PHF8: variants seen among roughly 807,000 people sequenced by gnomAD.
PHF8 encodes histone lysine demethylase PHF8.
In PHF8, 9 loss-of-function variants were observed where a neutral mutation model predicts 74.4. The observed-to-expected ratio is 0.12, with a 90% CI of 0.07 to 0.21. The LOEUF (loss-of-function observed/expected upper bound fraction) is 0.21, where lower values mean the gene tolerates loss of function less well. Among genes scored for constraint, PHF8 ranks in the 10% least tolerant of loss-of-function variants. PHF8 has a pLI of 1.00. For missense variants in PHF8, 478 were observed against 816.6 expected, an observed-to-expected ratio of 0.59 and a Z score of 5.05; for synonymous variants, 311 against 316.6, an observed-to-expected ratio of 0.98 and a Z score of 0.19.
chrX:54,042,618 C>G lies in PHF8; in HGVS notation c.98+13G>C. On this transcript the variant is annotated intron_variant, in intron 2 of 21. Coordinates refer to ENST00000338154, the MANE Select transcript of PHF8 (RefSeq NM_015107.3). ...GCCACCGCACCCTGTGTAGCCTGGC[C>G]TGCCCTCCTTACCTGCCATGAAACC... 8.3e-7 allele frequency: 1 copy of G among 1,201,680 alleles called. No individual in the cohort carries two copies. The highest frequency in any genetic ancestry group is 1.1e-6 in the Non-Finnish European group (1 of 887,903).
At chrX:53,988,345 T>C (rs1337571733) in intron 14 of PHF8, among the ~76,000 whole-genome samples, 1 of 111,564 alleles carries the variant, frequency 9.0e-6, no homozygotes, top group Non-Finnish European at 1.9e-5. Flanking sequence ...CAGTAGAAGT[T>C]GCTGAGAAAA....
At chrX:53,969,150 A>T (rs922647582) in intron 18 of PHF8, among the ~76,000 whole-genome samples, 5 of 109,943 alleles carry the variant, frequency 4.5e-5, no homozygotes, top group African/African-American at 1.7e-4. Flanking sequence ...TGAAAGGACC[A>T]CTTGAATCCG....
chrX:54,044,628 G>A (rs782247898), upstream of PHF8, among the ~76,000 whole-genome samples: 1 of 112,942 alleles, frequency 8.9e-6, no homozygotes, highest in East Asian at 2.8e-4. Context: ...AAGACCTTGA[G>A]CCCAGAGGCG....
At chrX:54,008,371 CA>C (rs34539175) in intron 8 of PHF8, among the ~76,000 whole-genome samples, 509 of 36,229 alleles carry the variant, frequency 0.014, 5 homozygotes, top group African/African-American at 0.053. Flanking sequence ...AATACTCCGT[CA>C]AAAAAAAAAA....
At chrX:54,009,070 C>T (rs974832454) in intron 8 of PHF8, among the ~76,000 whole-genome samples, 1 of 110,909 alleles carries the variant, frequency 9.0e-6, no homozygotes, top group South Asian at 3.8e-4. Flanking sequence ...CCCAGCTACT[C>T]GGGAGGCTGA....
chrX:53,985,608 A>G, intron 17 of PHF8: 1 of 632,389 alleles, frequency 1.6e-6, no homozygotes, highest in Non-Finnish European at 2.5e-6. Flanking sequence ...TTCCTCTTGA[A>G]GTCTATACAT....
chrX:53,997,435 T>C (rs1238676767), intron 11 of PHF8, among the ~76,000 whole-genome samples: 1 of 111,793 alleles, frequency 8.9e-6, no homozygotes, highest in African/African-American at 3.3e-5. Context: ...CCTTTAACTC[T>C]TTTCATCTAT....
chrX:53,962,134 TTAGA>T (rs1557091042), intron 19 of PHF8, among the ~76,000 whole-genome samples: 2 of 111,747 alleles, frequency 1.8e-5, no homozygotes, highest in Non-Finnish European at 3.8e-5. Context: ...TTAGTAGGAC[TTAGA>T]TAGTAGGTCT....
intron 19 of PHF8, among the ~76,000 whole-genome samples, chrX:53,947,661 T>C (rs1039212729): frequency 7.1e-5 from 8 of 112,347 alleles, no homozygotes; most frequent in Admixed American, 1.9e-4. Context: ...TGCCCCACTC[T>C]TGAATCTAAG....
chrX:53,977,447 T>C (rs1163214714), intron 18 of PHF8, among the ~76,000 whole-genome samples: 1 of 112,151 alleles, frequency 8.9e-6, no homozygotes, highest in Non-Finnish European at 1.9e-5. Flanking sequence ...AGAGGATATA[T>C]GAATGGCAAA....
chrX:53,993,792 T>C lies in PHF8; in HGVS notation c.1435A>G (p.Met479Val), dbSNP rs781836614. 2.5e-6 allele frequency: 3 copies of C among 1,208,810 alleles called. No homozygotes were observed. Among genetic ancestry groups the C allele is most frequent in the East Asian group, 5.9e-5 (2 of 33,774 alleles). Residue 479 changes from methionine to valine, a missense_variant, in exon 13 of 22, where the codon ATG becomes GTG. This residue lies in a region of PHF8 where 153 missense variants were observed against 164.8 expected (regional missense o/e 0.93). Transcript: ENST00000338154. ...TRPAHSTSVS[M>V]SRLSLPSKNG... ...TTGGAGGGCAGTGACAGCCTGGACA[T>C]GGACACTGAAGTGGAATGGGCTGGC...
At chrX:53,976,249 G>A (rs1034306457) in intron 18 of PHF8, among the ~76,000 whole-genome samples, 1 of 109,568 alleles carries the variant, frequency 9.1e-6, no homozygotes, top group African/African-American at 3.3e-5. Context: ...AGGTTGGAGC[G>A]AGCGGAGACT....
chrX:54,037,626 A>G (rs982135578), intron 2 of PHF8, among the ~76,000 whole-genome samples: 1 of 112,450 alleles, frequency 8.9e-6, no homozygotes, highest in African/African-American at 3.2e-5. Flanking sequence ...ATAATAAAGA[A>G]ATACTATGAA....
intron 8 of PHF8, among the ~76,000 whole-genome samples, chrX:54,007,622 A>C (rs1195146484): frequency 8.9e-6 from 1 of 112,413 alleles, no homozygotes; most frequent in Non-Finnish European, 1.9e-5. Context: ...AAAAAACTAT[A>C]CAAGTGTCCA....
intron 19 of PHF8, among the ~76,000 whole-genome samples, chrX:53,958,043 ATTTTTTT>A (rs372976681): frequency 1.0e-5 from 1 of 96,809 alleles, no homozygotes; most frequent in Non-Finnish European, 2.1e-5. Flanking sequence ...ATCAAGAACT[ATTTTTTT>A]TTTTTTTTTG....
Position 54,016,589 on chromosome X carries a change from T to C in PHF8, c.596+6A>G. On this transcript the variant is annotated splice_donor_region_variant and intron_variant, in intron 6 of 21. Coordinates refer to ENST00000338154, the MANE Select transcript of PHF8 (RefSeq NM_015107.3). Reference sequence around the variant, plus strand: ...CAGGTTTTTTTGTTATTCCTGCACCTCTTACCTGGTATCAGAGAATTCCAA... The same window carrying C: ...CAGGTTTTTTTGTTATTCCTGCACCCCTTACCTGGTATCAGAGAATTCCAA... The C allele has an allele frequency of 8.3e-7, 1 of 1,203,140 alleles. No homozygotes were observed.
chrX:53,949,648 T>C (rs1241071260), intron 19 of PHF8, among the ~76,000 whole-genome samples: 2 of 107,846 alleles, frequency 1.9e-5, no homozygotes, highest in South Asian at 4.1e-4. Flanking sequence ...CCGTCTCTAC[T>C]AAAAATACAA....
chrX:54,035,829 A>G (rs1557113958), intron 2 of PHF8, among the ~76,000 whole-genome samples: 1 of 108,467 alleles, frequency 9.2e-6, no homozygotes. Flanking sequence ...ATGAATGAGT[A>G]GGCCGAGTGC....
intron 18 of PHF8, among the ~76,000 whole-genome samples, chrX:53,982,090 G>C (rs1300541553): frequency 2.7e-5 from 3 of 112,413 alleles, no homozygotes; most frequent in Non-Finnish European, 5.6e-5. Flanking sequence ...AGGGAGGAGA[G>C]GCTGAGTGAG....
Sources: gnomAD v4.1 joint callset for allele counts (sites outside exome capture counted in the v4.1 genomes callset) on GRCh38, gnomAD v4.1.1 for gene constraint, gnomAD v4.1.1 regional missense constraint, MANE v1.5 for transcripts, NCBI Gene and HGNC (gene_info 2026-07-23, HGNC 2026-07-21) for gene names.